The following LYRM4 variants were observed in gnomAD, a reference collection of about 807,000 sequenced individuals.
The protein encoded by LYRM4 is LYR motif-containing protein 4.
LYRM4 carries 9 observed loss-of-function variants against 11.7 expected under a neutral mutation model. That is an observed-to-expected ratio of 0.77 (90% CI 0.46 to 1.34). The LOEUF (loss-of-function observed/expected upper bound fraction) is 1.34. Among genes scored for constraint, LYRM4 ranks in the 40% most tolerant of loss-of-function variants. LYRM4 has a pLI of 0.00. For synonymous variants in LYRM4, 42 were observed against 40.4 expected, an observed-to-expected ratio of 1.04 and a Z score of -0.15; for missense variants, 133 against 112.5, an observed-to-expected ratio of 1.18 and a Z score of -0.82.
intron 1 of LYRM4, among the ~76,000 whole-genome samples, chr6:5,235,835 A>G (rs1368104266): frequency 6.6e-6 from 1 of 152,264 alleles, no homozygotes; most frequent in Non-Finnish European, 1.5e-5. Flanking sequence ...TCATCAGAAG[A>G]AAATGTGTTT....
downstream of LYRM4, chr6:5,105,645 T>C (rs1022316784): frequency 1.3e-5 from 2 of 152,212 alleles, no homozygotes; most frequent in African/African-American, 4.8e-5. Context: ...AAATCCTGTG[T>C]CTACTAAAAA....
intron 1 of LYRM4, among the ~76,000 whole-genome samples, chr6:5,253,511 T>C (rs2127775126): frequency 6.6e-6 from 1 of 152,334 alleles, no homozygotes; most frequent in East Asian, 1.9e-4. Flanking sequence ...TTTCAGCAAT[T>C]TTCTTATTTG....
At chr6:5,154,839 A>G (rs1436231243) in intron 2 of LYRM4, among the ~76,000 whole-genome samples, 1 of 151,778 alleles carries the variant, frequency 6.6e-6, no homozygotes, top group Admixed American at 6.6e-5. Context: ...TGAATAAATA[A>G]AAATAAAAAA....
chr6:5,171,665 G>A (rs576317999), intron 2 of LYRM4, among the ~76,000 whole-genome samples: 16 of 152,238 alleles, frequency 1.1e-4, no homozygotes, highest in African/African-American at 3.6e-4. Flanking sequence ...TTAACCAACC[G>A]TATAAACATT....
chr6:5,115,990 T>C (rs1174077746), intron 2 of LYRM4, among the ~76,000 whole-genome samples: 2 of 152,140 alleles, frequency 1.3e-5, no homozygotes, highest in Non-Finnish European at 2.9e-5. Context: ...GAAGGGATCA[T>C]GTTACTTGAC....
intron 2 of LYRM4, among the ~76,000 whole-genome samples, chr6:5,189,462 TTGA>T (rs1406147792): frequency 6.6e-6 from 1 of 152,192 alleles, no homozygotes; most frequent in East Asian, 1.9e-4. Flanking sequence ...AGCCTAGGAT[TTGA>T]AAGCAGATCT....
the LYRM4 span, chr6:5,086,257 C>T: frequency 6.5e-7 from 1 of 1,535,578 alleles, no homozygotes; most frequent in Non-Finnish European, 8.7e-7. Context: ...TACCGAGTGG[C>T]GCTCCTTCCT....
intron 2 of LYRM4, among the ~76,000 whole-genome samples, chr6:5,171,207 T>TA (rs1759407989): frequency 1.3e-5 from 2 of 152,150 alleles, no homozygotes; most frequent in African/African-American, 2.4e-5. Flanking sequence ...ATCTGTGTAA[T>TA]AAAAAAGCAA....
the LYRM4 span, among the ~76,000 whole-genome samples, chr6:5,040,141 A>AC: frequency 7.9e-5 from 12 of 152,120 alleles, no homozygotes; most frequent in African/African-American, 2.7e-4. Context: ...ACATAGCGAG[A>AC]CCCCATCTCT....
chr6:5,139,171 C>T (rs1031073280), intron 2 of LYRM4, among the ~76,000 whole-genome samples: 1 of 152,196 alleles, frequency 6.6e-6, no homozygotes. Flanking sequence ...GTAGCTTGTT[C>T]TGAATGACAA....
At chr6:5,259,560 G>C (rs1488342132) in intron 1 of LYRM4, among the ~76,000 whole-genome samples, 2 of 151,820 alleles carry the variant, frequency 1.3e-5, no homozygotes, top group African/African-American at 4.9e-5. Context: ...TAGCGTTCCT[G>C]TCCTCTGACA....
In LYRM4 at chr6:5,216,622, C is replaced by G. The variant is rs587777218; in HGVS notation, c.203G>C (p.Arg68Pro). ...KAKRDLGVIR[R>P]QVHIGQLYST... is the part of the protein sequence containing the mutation. ...TACATCATTGAACCATCTTACCTGT[C>G]GACGAATTACTCCAAGGTCTCTCTT... Residue 68 changes from arginine to proline, a missense_variant, in exon 2 of 3, where the codon CGA (arginine) becomes CCA (proline). Physicochemically the swap from Arg to Pro is moderately radical, Grantham distance 103. Transcript: ENST00000330636. The G allele has an allele frequency of 5.6e-6, 9 of 1,613,832 alleles. No individual in the cohort carries two copies. Among genetic ancestry groups the G allele is most frequent in the Non-Finnish European group, 7.6e-6 (9 of 1,180,012 alleles).
intron 2 of LYRM4, among the ~76,000 whole-genome samples, chr6:5,134,945 A>T (rs585998): frequency 2.2e-5 from 2 of 91,000 alleles, no homozygotes; most frequent in African/African-American, 4.5e-5. Context: ...GGTGCGGATC[A>T]CTCCCGGGAC....
the LYRM4 span, chr6:5,086,513 C>A: frequency 2.6e-6 from 4 of 1,534,856 alleles, no homozygotes; most frequent in Non-Finnish European, 3.5e-6. Context: ...GACAACAACG[C>A]GGGCGCCAAC....
At chr6:5,170,937 T>TG (rs1214605553) in intron 2 of LYRM4, among the ~76,000 whole-genome samples, 1 of 152,242 alleles carries the variant, frequency 6.6e-6, no homozygotes, top group Non-Finnish European at 1.5e-5. Context: ...GTTACTGCGT[T>TG]GAGTGTACCC....
intron 2 of LYRM4, among the ~76,000 whole-genome samples, chr6:5,159,852 A>C (rs181988704): frequency 1.3e-5 from 2 of 152,196 alleles, no homozygotes; most frequent in African/African-American, 4.8e-5. Context: ...CCCTCTTGAC[A>C]CATGTGCACT....
intron 1 of LYRM4, among the ~76,000 whole-genome samples, chr6:5,222,963 G>A (rs550171584): frequency 6.6e-6 from 1 of 152,096 alleles, no homozygotes; most frequent in Non-Finnish European, 1.5e-5. Context: ...TAATAAGTGT[G>A]AACAAACTGA....
intron 2 of LYRM4, among the ~76,000 whole-genome samples, chr6:5,170,654 C>T (rs1283899368): frequency 5.3e-5 from 8 of 152,084 alleles, no homozygotes; most frequent in African/African-American, 1.4e-4. Context: ...TAGGGCTACA[C>T]GAGTAACAGG....
intron 1 of LYRM4, among the ~76,000 whole-genome samples, chr6:5,230,301 A>G (rs1057240613): frequency 6.6e-6 from 1 of 152,164 alleles, no homozygotes; most frequent in Non-Finnish European, 1.5e-5. Context: ...GAAAAAACGC[A>G]CTTTCCTCAC....
Sources: gnomAD v4.1 joint callset for allele counts (sites outside exome capture counted in the v4.1 genomes callset) on GRCh38, gnomAD v4.1.1 for gene constraint, MANE v1.5 for transcripts, NCBI Gene and HGNC (gene_info 2026-07-23, HGNC 2026-07-21) for gene names.